The following CCM2L variants were observed in gnomAD, a reference collection of about 807,000 sequenced individuals.
CCM2L encodes cerebral cavernous malformations 2 protein-like.
In CCM2L, 36 loss-of-function variants were observed where a neutral mutation model predicts 54.1. The ratio of observed to expected loss-of-function variants is 0.67; its 90% confidence interval spans 0.51 to 0.88. The LOEUF is 0.88. CCM2L is among the 40% of genes least tolerant of loss of function. CCM2L has a pLI of 0.00. For missense variants in CCM2L, 700 were observed against 812.1 expected, an observed-to-expected ratio of 0.86 and a Z score of 1.68; for synonymous variants, 351 against 359.3, an observed-to-expected ratio of 0.98 and a Z score of 0.26.
intron 2 of CCM2L, among the ~76,000 whole-genome samples, chr20:32,017,138 T>G (rs73104605): frequency 0.088 from 13,322 of 152,190 alleles, 628 homozygotes; most frequent in African/African-American, 0.13. Context: ...ACACTGAGAC[T>G]ATCTCAAAAA....
intron 7 of CCM2L, 68 bp from the exon 8 acceptor site, chr20:32,028,927 C>T: frequency 6.2e-7 from 1 of 1,600,692 alleles, no homozygotes; most frequent in Non-Finnish European, 8.5e-7. Context: ...AGGCCTCCTA[C>T]CTTCAGCCTG....
At chr20:32,025,402 G>A (rs1430259711) in intron 6 of CCM2L, among the ~76,000 whole-genome samples, 3 of 151,582 alleles carry the variant, frequency 2.0e-5, no homozygotes, top group Non-Finnish European at 4.4e-5. Flanking sequence ...TCAAGTAGCC[G>A]GGACCACAGG....
intron 7 of CCM2L, chr20:32,028,410 A>C (rs2064883317): frequency 6.6e-6 from 1 of 150,550 alleles, no homozygotes; most frequent in Non-Finnish European, 1.5e-5. Flanking sequence ...CTCCAGCCTC[A>C]GTGACAGAGC....
intron 6 of CCM2L, among the ~76,000 whole-genome samples, chr20:32,024,745 C>T (rs1474900181): frequency 6.6e-5 from 10 of 152,144 alleles, no homozygotes; most frequent in Non-Finnish European, 1.5e-4. Flanking sequence ...GAGAATCACT[C>T]GAACCTGGGA....
intron 1 of CCM2L, among the ~76,000 whole-genome samples, chr20:32,013,616 T>C (rs917906078): frequency 6.6e-6 from 1 of 152,006 alleles, no homozygotes; most frequent in Non-Finnish European, 1.5e-5. Flanking sequence ...TAATTTTTTT[T>C]TTTTGGCATA....
intron 6 of CCM2L, among the ~76,000 whole-genome samples, chr20:32,024,078 A>C (rs1356309309): frequency 6.6e-6 from 1 of 152,174 alleles, no homozygotes; most frequent in Non-Finnish European, 1.5e-5. Flanking sequence ...CAGATTAGTC[A>C]ATAAATTACT....
At position 32,018,837 on chromosome 20, in the gene CCM2L, G is replaced by T. The variant is rs1012535224; in HGVS notation, c.467-106G>T. 36 of 1,183,726 alleles carry T rather than the reference G, an allele frequency of 3.0e-5. No individual in the cohort carries two copies. In the African/African-American group the frequency reaches 5.3e-4, roughly 17 times the overall value. The allele number at this position is 1,183,726 out of a possible 1,614,324, so 73.3% of individuals were successfully genotyped here. A position where few individuals can be genotyped will look rare whatever the true frequency, so the allele number is the denominator to read the frequency against. ...ACTTTAAAGCCGGGGGCGAGGCGGC[G>T]GTGGAACCCCAGAGCCGCGAGGTCA... On this transcript the variant is annotated intron_variant, in intron 4 of 9. Transcript: ENST00000452892.
intron 1 of CCM2L, among the ~76,000 whole-genome samples, chr20:32,013,561 C>T (rs1386198286): frequency 6.6e-6 from 1 of 152,066 alleles, no homozygotes; most frequent in Admixed American, 6.6e-5. Context: ...CCCACCTTGG[C>T]CTCCCAAGTA....
chr20:32,028,991 G>A lies in CCM2L; in HGVS notation c.1134-4G>A. The A allele has an allele frequency of 1.9e-6, 3 of 1,614,116 alleles. No homozygotes were observed. Among genetic ancestry groups the A allele is most frequent in the South Asian group, 1.1e-5 (1 of 91,078 alleles). ...AGTGAAGGCCCTTCTTCCCGTGCCTGCAGTAATGGCTCCCAGGACACCTTT... is the reference window on the plus strand; with the variant it reads ...AGTGAAGGCCCTTCTTCCCGTGCCTACAGTAATGGCTCCCAGGACACCTTT... On this transcript the variant is annotated splice_region_variant and splice_polypyrimidine_tract_variant and intron_variant, in intron 7 of 9. Transcript: ENST00000452892.
chr20:32,025,707 G>A (rs1340525562), intron 6 of CCM2L, 149 bp from the exon 7 acceptor site: 2 of 424,542 alleles, frequency 4.7e-6, no homozygotes, highest in Non-Finnish European at 9.0e-6. Context: ...GATCAGGAGA[G>A]GGGAGGGGAG....
At position 32,019,429 on chromosome 20, in the gene CCM2L, G is replaced by A; in HGVS notation, c.933+20G>A. 1 of 1,476,726 alleles carries A rather than the reference G, an allele frequency of 6.8e-7. No homozygotes were observed. The highest frequency in any genetic ancestry group is 8.9e-7 in the Non-Finnish European group (1 of 1,117,898). The allele number at this position is 1,476,726 out of a possible 1,614,324, so 91.5% of individuals were successfully genotyped here. On this transcript the variant is annotated intron_variant, in intron 5 of 9. Transcript: ENST00000452892. Reference sequence around the variant, plus strand: ...AACAGGGTGAGCCCGAGGGCAGCCTGCTCCCAAAGCCCGGCTTCGGGAACG... The same window carrying A: ...AACAGGGTGAGCCCGAGGGCAGCCTACTCCCAAAGCCCGGCTTCGGGAACG...
In CCM2L at chr20:32,031,030, A is replaced by G; in HGVS notation, c.1432A>G (p.Ile478Val). The change falls in exon 10 of 10, where the codon ATC becomes GTC. Residue 478 changes from isoleucine (I) to valine (V), a missense_variant. Physicochemically the swap from Ile to Val is conservative, Grantham distance 29 (BLOSUM62 3). Coordinates refer to ENST00000452892, the MANE Select transcript of CCM2L (RefSeq NM_001365692.1). Reference sequence around the variant, plus strand: ...GCGGCCCTTCATCCCGGACCAGGACATCGGCTACTTCGAGGGCTTCCTGGA... The same window carrying G: ...GCGGCCCTTCATCCCGGACCAGGACGTCGGCTACTTCGAGGGCTTCCTGGA... ...GMRPFIPDQD[I>V]GYFEGFLEGV... The G allele has an allele frequency of 7.7e-7, 1 of 1,304,210 alleles. No homozygotes were observed. 80.8% of individuals were successfully genotyped at this position (1,304,210 alleles called of 1,614,324 possible).
At position 32,018,132 on chromosome 20, in the gene CCM2L, G is replaced by T; in HGVS notation, c.436G>T (p.Asp146Tyr). ...EIAAASYLQD[D>Y]ALHLLVLKTG... is the part of the protein sequence containing the mutation. ...CGCCGCCGCCTCCTACCTGCAGGAC[G>T]ACGCGCTGCACCTGCTAGTGCTCAA... Residue 146 changes from aspartate to tyrosine, a missense_variant, in exon 4 of 10, where the codon GAC becomes TAC. Physicochemically the swap from Asp to Tyr is radical, Grantham distance 160 (BLOSUM62 -3). Transcript: ENST00000452892. 4.4e-6 allele frequency: 7 copies of T among 1,588,632 alleles called. No homozygotes were observed. Among genetic ancestry groups the T allele is most frequent in the Non-Finnish European group, 6.0e-6 (7 of 1,168,714 alleles).
chr20:32,016,527 G>C (rs2064742558), intron 2 of CCM2L, among the ~76,000 whole-genome samples: 1 of 152,000 alleles, frequency 6.6e-6, no homozygotes, highest in Non-Finnish European at 1.5e-5. Context: ...GTGGTGGTGG[G>C]TGCCTGTAAT....
In CCM2L at chr20:32,018,009, G is replaced by C. The variant is rs1197021454; in HGVS notation, c.313G>C (p.Ala105Pro). The C allele has an allele frequency of 6.2e-7, 1 of 1,613,850 alleles. No homozygotes were observed. Among genetic ancestry groups the C allele is most frequent in the Non-Finnish European group, 8.5e-7 (1 of 1,179,984 alleles). ...GAAGGAGCTGCCGCTGAAGACCACG[G>C]CGGAGCAGGACAGCATCCTGAGCCT... ...QLKELPLKTTAEQDSILSLSA... is the reference protein window; with the variant it reads ...QLKELPLKTTPEQDSILSLSA... The change falls in exon 4 of 10, where the codon GCG becomes CCG. Residue 105 changes from alanine (A) to proline (P), a missense_variant. Physicochemically the swap from Ala to Pro is conservative, Grantham distance 27. Transcript: ENST00000452892.
intron 6 of CCM2L, among the ~76,000 whole-genome samples, 166 bp downstream of exon 6, chr20:32,022,961 CT>C (rs1359099784): frequency 1.0e-4 from 15 of 144,030 alleles, no homozygotes; most frequent in African/African-American, 4.2e-4. Flanking sequence ...TTTTCTTTTT[CT>C]TTTTCTTTTC....
rs117142234 is a variant in CCM2L at position 32,025,975 on chromosome 20, G to A, written c.1133+56G>A. 1,233 of 1,253,098 alleles carry A rather than the reference G, an allele frequency of 9.8e-4. 23 individuals carry two copies. The East Asian group carries it at 0.012, about 12-fold the overall frequency. 77.6% of individuals were successfully genotyped at this position (1,253,098 alleles called of 1,614,324 possible). A position where few individuals can be genotyped will look rare whatever the true frequency, so the allele number is the denominator to read the frequency against. ...CTGCTCCCCTACCCCTGCACAAACA[G>A]GGTGACTAGAGAGGGTAGGAGAAGG... is the stretch of plus-strand genomic sequence containing the variant. On this transcript the variant is annotated intron_variant, in intron 7 of 9. Coordinates refer to ENST00000452892, the MANE Select transcript of CCM2L (RefSeq NM_001365692.1).
chr20:32,024,596 G>A (rs1738912855), intron 6 of CCM2L, among the ~76,000 whole-genome samples: 1 of 152,200 alleles, frequency 6.6e-6, no homozygotes, highest in South Asian at 2.1e-4. Flanking sequence ...GGAGGCCAAG[G>A]CAGGTGGATC....
intron 2 of CCM2L, 122 bp downstream of exon 2, chr20:32,015,193 G>A (rs1568910691): frequency 2.9e-6 from 3 of 1,041,130 alleles, no homozygotes; most frequent in African/African-American, 3.4e-5. Context: ...TTGGAAAGAG[G>A]CCTGGGTTCA....
Sources: gnomAD v4.1 joint callset for allele counts (sites outside exome capture counted in the v4.1 genomes callset) on GRCh38, gnomAD v4.1.1 for gene constraint, MANE v1.5 for transcripts, NCBI Gene and HGNC (gene_info 2026-07-23, HGNC 2026-07-21) for gene names.